TRMT44: variants seen among roughly 807,000 people sequenced by gnomAD.
TRMT44 encodes the protein probable tRNA (uracil-O(2)-)-methyltransferase.
A neutral mutation model predicts 77.3 loss-of-function variants in TRMT44; 78 were observed. The ratio of observed to expected loss-of-function variants is 1.01; its 90% CI spans 0.84 to 1.22. TRMT44 has a LOEUF of 1.22. Ranked by LOEUF, TRMT44 falls within the 50% of genes most tolerant of loss-of-function variation. The probability of loss-of-function intolerance (pLI) is 0.00; values close to 1 mark genes in which losing one functional copy is unlikely to be tolerated. For synonymous variants in TRMT44, 391 were observed against 383.3 expected (o/e 1.02, Z -0.23); for missense variants, 1,090 against 964.4 (o/e 1.13, Z -1.73).
At chr4:8,488,439 C>T (rs540977628) in intron 2 of TRMT44, among the ~76,000 whole-genome samples, 1 of 152,282 alleles carries the variant, frequency 6.6e-6, no homozygotes, top group South Asian at 2.1e-4. Flanking sequence ...GAGGTTTGTT[C>T]TCTGGTGGAC....
intron 8 of TRMT44, among the ~76,000 whole-genome samples, chr4:8,467,490 ATTTAT>A (rs979601238): frequency 1.3e-5 from 2 of 151,740 alleles, no homozygotes; most frequent in Admixed American, 6.6e-5. Context: ...TTATTGATTT[ATTTAT>A]TTTGAGATGG....
At chr4:8,480,284 C>A (rs555448973), downstream of TRMT44, among the ~76,000 whole-genome samples, 18 of 152,282 alleles carry the variant, frequency 1.2e-4, no homozygotes, top group African/African-American at 4.1e-4. Flanking sequence ...GGAAGAGACC[C>A]AAGCACGCAC....
chr4:8,503,488 G>C, the TRMT44 span, among the ~76,000 whole-genome samples: 2 of 152,190 alleles, frequency 1.3e-5, no homozygotes, highest in African/African-American at 4.8e-5. Flanking sequence ...CACAGCACTC[G>C]GTCCCAGAGG....
At chr4:8,467,716 G>T (rs932469542) in intron 8 of TRMT44, among the ~76,000 whole-genome samples, 198 bp from the exon 9 acceptor site, 1 of 152,176 alleles carries the variant, frequency 6.6e-6, no homozygotes, top group Non-Finnish European at 1.5e-5. Flanking sequence ...CAAGTGATCC[G>T]CCTGCCTTGG....
the TRMT44 span, among the ~76,000 whole-genome samples, chr4:8,513,054 T>G: frequency 6.6e-6 from 1 of 152,122 alleles, no homozygotes; most frequent in Non-Finnish European, 1.5e-5. Flanking sequence ...GTAGCTGGGA[T>G]TACAGGTGCC....
At chr4:8,510,049 G>A in the TRMT44 span, among the ~76,000 whole-genome samples, 1 of 152,174 alleles carries the variant, frequency 6.6e-6, no homozygotes, top group African/African-American at 2.4e-5. Context: ...GATCCGGGCT[G>A]GACGTAGACA....
At chr4:8,442,880 G>A (rs1724838013) in intron 1 of TRMT44, among the ~76,000 whole-genome samples, 1 of 152,118 alleles carries the variant, frequency 6.6e-6, no homozygotes, top group Non-Finnish European at 1.5e-5. Flanking sequence ...TCTGCTCTTC[G>A]TGGCCCATGG....
chr4:8,510,523 G>C, the TRMT44 span: 58,044 of 152,658 alleles, frequency 0.38, 12,131 homozygotes, highest in South Asian at 0.53. Context: ...ATAGTCACAG[G>C]TCCTGGAGAT....
At chr4:8,445,220 G>A (rs1724985491) in intron 1 of TRMT44, among the ~76,000 whole-genome samples, 1 of 152,246 alleles carries the variant, frequency 6.6e-6, no homozygotes, top group South Asian at 2.1e-4. Context: ...TCTAACTCCT[G>A]GTTTCAAGTG....
At chr4:8,466,109 G>A (rs367971434) in intron 8 of TRMT44, among the ~76,000 whole-genome samples, 1 of 152,208 alleles carries the variant, frequency 6.6e-6, no homozygotes, top group South Asian at 2.1e-4. Context: ...CGCTCCAAAG[G>A]CTTGACCTTT....
chr4:8,492,320 T>G (rs1444749605), intron 2 of TRMT44, among the ~76,000 whole-genome samples: 2 of 152,188 alleles, frequency 1.3e-5, no homozygotes, highest in African/African-American at 4.8e-5. Flanking sequence ...GGTCCAGCCT[T>G]TCCTTTCAAC....
intron 10 of TRMT44, among the ~76,000 whole-genome samples, chr4:8,473,827 T>A (rs2109190972): frequency 6.6e-6 from 1 of 152,146 alleles, no homozygotes; most frequent in East Asian, 1.9e-4. Context: ...AGATGGGGGC[T>A]CAGGTGTTAA....
the TRMT44 span, among the ~76,000 whole-genome samples, chr4:8,499,227 G>A: frequency 6.6e-5 from 10 of 152,150 alleles, no homozygotes; most frequent in Admixed American, 3.9e-4. Flanking sequence ...ACTCCCATCC[G>A]GCACAGGAGA....
chr4:8,505,862 T>A, the TRMT44 span, among the ~76,000 whole-genome samples: 1 of 152,204 alleles, frequency 6.6e-6, no homozygotes, highest in African/African-American at 2.4e-5. Flanking sequence ...GATGGTTTTG[T>A]AAGGGGCTCT....
At position 8,453,120 on chromosome 4, in the gene TRMT44, G is replaced by A. The variant is rs115177454; in HGVS notation, c.1131+131G>A. The A allele has an allele frequency of 2.2e-3, 1,177 of 526,498 alleles. 21 individuals carry two copies. The highest frequency in any genetic ancestry group is 0.021 in the African/African-American group (1,045 of 50,506). 32.6% of individuals were successfully genotyped at this position (526,498 alleles called of 1,614,324 possible). ...AGTCAGCCAGCTATCAGAGTAGGTA[G>A]AGACTTATAAATTTCTGTTAATCTG... On this transcript the variant is annotated intron_variant, in intron 5 of 10. Transcript: ENST00000389737.
chr4:8,453,879 A>G (rs528511321), intron 5 of TRMT44, among the ~76,000 whole-genome samples: 32 of 152,276 alleles, frequency 2.1e-4, no homozygotes, highest in African/African-American at 7.2e-4. Context: ...TAGGCTGCGC[A>G]TATTTGTCTA....
At position 8,451,064 on chromosome 4, in the gene TRMT44, C is replaced by T. The variant is rs1243139084; in HGVS notation, c.955-896C>T. On this transcript the variant is annotated intron_variant, in intron 3 of 10. Transcript: ENST00000389737. This position sits in a 1 kb window ranked among gnomAD's most constrained non-coding sequence, Gnocchi z 4.1. ...ATTACAGGCTTGAGCCACTGCCCGG[C>T]TTCCATGTATTTTTTTAATCAGTCA... 6.6e-6 allele frequency among the ~76,000 whole-genome samples: 1 copy of T among 152,164 alleles called. No individual in the cohort carries two copies. Among genetic ancestry groups the T allele is most frequent in the East Asian group, 1.9e-4 (1 of 5,162 alleles).
At chr4:8,468,382 G>A (rs1016953566) in intron 9 of TRMT44, 36 bp downstream of exon 9, 10 of 1,588,180 alleles carry the variant, frequency 6.3e-6, no homozygotes, top group South Asian at 2.2e-5. Context: ...GGGCTAGCAC[G>A]CTCCCAGGCT....
chr4:8,441,560 A>G (rs1724701410), intron 1 of TRMT44, 119 bp downstream of exon 1: 6 of 1,253,898 alleles, frequency 4.8e-6, no homozygotes, highest in Non-Finnish European at 6.3e-6. Context: ...GGAGGTTGTT[A>G]GGTGTTTCAT....
Sources: allele counts gnomAD v4.1 joint callset (sites outside exome capture counted in the v4.1 genomes callset), GRCh38; gene constraint gnomAD v4.1.1; non-coding constraint Gnocchi (gnomAD v3.1); transcripts MANE v1.5; gene names NCBI Gene and HGNC (gene_info 2026-07-23, HGNC 2026-07-21).